KCNN2: variants seen among roughly 807,000 people sequenced by gnomAD.
The protein encoded by KCNN2 is potassium calcium-activated channel subfamily N member 2.
KCNN2 carries 24 observed loss-of-function variants against 55.5 expected under a neutral mutation model. The ratio of observed to expected loss-of-function variants is 0.43; its 90% CI spans 0.31 to 0.61. The LOEUF (loss-of-function observed/expected upper bound fraction) is 0.61, where lower values mean the gene tolerates loss of function less well. Ranked by LOEUF, KCNN2 falls within the 20% of genes least tolerant of loss-of-function variation. KCNN2 has a pLI of 0.08. For missense variants in KCNN2, 754 were observed against 853.6 expected, an observed-to-expected ratio of 0.88 and a Z score of 1.45; for synonymous variants, 431 against 336.1, an observed-to-expected ratio of 1.28 and a Z score of -3.09.
intron 4 of KCNN2, among the ~76,000 whole-genome samples, chr5:114,469,484 C>A (rs995113179): frequency 6.6e-6 from 1 of 152,056 alleles, no homozygotes; most frequent in Non-Finnish European, 1.5e-5. Flanking sequence ...GAAAAGTAAC[C>A]AGGATACATT....
chr5:114,368,311 A>G (rs1402447564), intron 2 of KCNN2, among the ~76,000 whole-genome samples: 2 of 152,212 alleles, frequency 1.3e-5, no homozygotes, highest in Non-Finnish European at 2.9e-5. Flanking sequence ...TTTATTTGTC[A>G]TCTTTTATGA....
intron 2 of KCNN2, among the ~76,000 whole-genome samples, chr5:114,403,279 G>A (rs940630943): frequency 2.0e-5 from 3 of 152,110 alleles, no homozygotes; most frequent in African/African-American, 7.2e-5. Context: ...GTCATTCAGG[G>A]TCAAGTTTGG....
chr5:114,271,501 G>A (rs1397820707), intron 2 of KCNN2, among the ~76,000 whole-genome samples: 2 of 152,062 alleles, frequency 1.3e-5, no homozygotes, highest in African/African-American at 4.8e-5. Flanking sequence ...AAAGCACAAA[G>A]AAGAAAGTAA....
intron 1 of KCNN2, among the ~76,000 whole-genome samples, chr5:114,207,324 C>CA (rs1007864136): frequency 6.6e-6 from 1 of 152,126 alleles, no homozygotes; most frequent in African/African-American, 2.4e-5. Context: ...GTACCTTGGA[C>CA]AAAATCTTAT....
At chr5:114,103,617 G>C (rs928439767) in intron 1 of KCNN2, among the ~76,000 whole-genome samples, 1 of 152,122 alleles carries the variant, frequency 6.6e-6, no homozygotes, top group African/African-American at 2.4e-5. Flanking sequence ...CTAGTTTATT[G>C]AGTGTTTTTA....
At chr5:114,215,607 T>C (rs1753985652) in intron 1 of KCNN2, among the ~76,000 whole-genome samples, 1 of 152,102 alleles carries the variant, frequency 6.6e-6, no homozygotes, top group Non-Finnish European at 1.5e-5. Flanking sequence ...GACACCCCTT[T>C]TGCATTCCCT....
chr5:114,145,372 C>T (rs989357631), intron 1 of KCNN2, among the ~76,000 whole-genome samples: 3 of 152,230 alleles, frequency 2.0e-5, no homozygotes, highest in African/African-American at 4.8e-5. Flanking sequence ...TTTGAAGACA[C>T]GTTGAGAGGA....
At chr5:114,070,220 C>A (rs1157557928) in intron 1 of KCNN2, among the ~76,000 whole-genome samples, 1 of 152,194 alleles carries the variant, frequency 6.6e-6, no homozygotes, top group Non-Finnish European at 1.5e-5. Context: ...TAACTGGTTT[C>A]TCTGCCAGTC....
At chr5:114,197,808 C>T (rs760502950) in intron 1 of KCNN2, among the ~76,000 whole-genome samples, 1 of 152,142 alleles carries the variant, frequency 6.6e-6, no homozygotes, top group Admixed American at 6.5e-5. Flanking sequence ...TCAGGAATAG[C>T]TTCCCAGGAA....
rs1323582014 is a variant in KCNN2 at position 114,362,616 on chromosome 5, G to A, written c.477G>A (p.Gln159=). 3.0e-6 allele frequency: 3 copies of A among 983,904 alleles called. No individual in the cohort carries two copies. 60.9% of individuals were successfully genotyped at this position (983,904 alleles called of 1,614,324 possible). The change falls in exon 1 of 8, where the codon CAG becomes CAA. Residue 159 remains glutamine (Q), a synonymous_variant. Coordinates refer to ENST00000673685, the MANE Select transcript of KCNN2 (RefSeq NM_021614.4). ...QQSASASQYH[Q]CHSLQPAASP... Reference sequence around the variant, plus strand: ...CGGCGTCCGCCTCCCAGTACCACCAGTGCCACAGCCTGCAGCCCGCCGCCA... The same window carrying A: ...CGGCGTCCGCCTCCCAGTACCACCAATGCCACAGCCTGCAGCCCGCCGCCA...
intron 1 of KCNN2, among the ~76,000 whole-genome samples, chr5:114,081,111 C>G (rs1468793236): frequency 6.6e-6 from 1 of 151,862 alleles, no homozygotes; most frequent in East Asian, 1.9e-4. Flanking sequence ...GGTGAAAGAC[C>G]TATACAATGA....
chr5:114,353,364 T>C (rs1757247157), intron 2 of KCNN2, among the ~76,000 whole-genome samples: 1 of 151,924 alleles, frequency 6.6e-6, no homozygotes, highest in African/African-American at 2.4e-5. Context: ...CTTCGATATG[T>C]CTTTCTTCTA....
chr5:114,245,876 G>C (rs187218575), intron 2 of KCNN2, among the ~76,000 whole-genome samples: 39 of 152,266 alleles, frequency 2.6e-4, no homozygotes, highest in African/African-American at 8.9e-4. Context: ...CTGCTCTCCT[G>C]TGCTGCCTCT....
At chr5:114,394,548 A>G (rs1561604960) in intron 2 of KCNN2, among the ~76,000 whole-genome samples, 2 of 152,164 alleles carry the variant, frequency 1.3e-5, no homozygotes, top group Non-Finnish European at 2.9e-5. Context: ...GAGACTCTGG[A>G]GTTTGTGTCA....
intron 1 of KCNN2, among the ~76,000 whole-genome samples, chr5:114,184,921 G>A (rs1013545437): frequency 3.9e-5 from 6 of 152,224 alleles, no homozygotes; most frequent in South Asian, 2.1e-4. Flanking sequence ...CATTTAAAGC[G>A]TAATCATTTT....
At chr5:114,069,445 G>C (rs1447638901) in intron 1 of KCNN2, among the ~76,000 whole-genome samples, 1 of 152,070 alleles carries the variant, frequency 6.6e-6, no homozygotes, top group Non-Finnish European at 1.5e-5. Flanking sequence ...AGTAAATACT[G>C]TTGAAGGCTT....
At chr5:114,332,592 G>A (rs1293968024) in intron 2 of KCNN2, among the ~76,000 whole-genome samples, 1 of 152,154 alleles carries the variant, frequency 6.6e-6, no homozygotes, top group Non-Finnish European at 1.5e-5. Flanking sequence ...AGATCTTGAT[G>A]TGGTCCTGGG....
chr5:114,183,271 G>A (rs1168693023), intron 1 of KCNN2, among the ~76,000 whole-genome samples: 1 of 151,966 alleles, frequency 6.6e-6, no homozygotes, highest in African/African-American at 2.4e-5. Context: ...ATATCTTAAA[G>A]ACTTTTTCTT....
intron 2 of KCNN2, among the ~76,000 whole-genome samples, chr5:114,309,721 A>G (rs1035693311): frequency 6.6e-6 from 1 of 152,176 alleles, no homozygotes; most frequent in Non-Finnish European, 1.5e-5. Context: ...AGAGTCAACC[A>G]TAAAACACAC....
Sources: allele counts gnomAD v4.1 joint callset (sites outside exome capture counted in the v4.1 genomes callset), GRCh38; gene constraint gnomAD v4.1.1; transcripts MANE v1.5; gene names NCBI Gene and HGNC (gene_info 2026-07-23, HGNC 2026-07-21).